The following WDPCP variants were observed in gnomAD, a reference collection of about 807,000 sequenced individuals.
The protein encoded by WDPCP is WD repeat containing planar cell polarity effector, also known as WD repeat-containing and planar cell polarity effector protein fritz homolog.
In WDPCP, 71 loss-of-function variants were observed where a neutral mutation model predicts 93.1. That is an observed-to-expected ratio of 0.76 (90% CI 0.63 to 0.93). WDPCP has a LOEUF of 0.93. WDPCP is among the 40% of genes least tolerant of loss of function. WDPCP has a pLI of 0.00. For missense variants in WDPCP, 844 were observed against 887.4 expected (o/e 0.95, Z 0.62); for synonymous variants, 315 against 315.0 (o/e 1.00, Z 0.00).
At chr2:63,594,230 G>A (rs575369373) in intron 3 of WDPCP, 71 of 564,404 alleles carry the variant, frequency 1.3e-4, no homozygotes, top group Non-Finnish European at 2.3e-4. Flanking sequence ...CTATTTTAGT[G>A]GTAAAATATC....
chr2:63,273,807 A>G (rs924612416), intron 13 of WDPCP, among the ~76,000 whole-genome samples: 1 of 143,294 alleles, frequency 7.0e-6, no homozygotes. Flanking sequence ...CCCAACGCAG[A>G]AACACACACA....
chr2:63,154,096 G>A (rs886212808), intron 15 of WDPCP, among the ~76,000 whole-genome samples: 1 of 151,728 alleles, frequency 6.6e-6, no homozygotes, highest in African/African-American at 2.4e-5. Flanking sequence ...ATAAAACTGA[G>A]ATAATGTGGT....
chr2:63,486,675 A>G (rs1012667486), intron 3 of WDPCP, 89 bp from the exon 4 acceptor site: 2 of 1,121,252 alleles, frequency 1.8e-6, no homozygotes, highest in South Asian at 2.9e-5. Flanking sequence ...ATGTACATGT[A>G]TAAGGTATTA....
At chr2:63,416,713 G>A (rs1267530498) in intron 9 of WDPCP, among the ~76,000 whole-genome samples, 2 of 151,528 alleles carry the variant, frequency 1.3e-5, no homozygotes, top group Non-Finnish European at 2.9e-5. Flanking sequence ...TAGTAGAGAC[G>A]GGTTTTCACC....
chr2:63,619,441 T>G (rs1369945861), intron 3 of WDPCP, among the ~76,000 whole-genome samples: 1 of 152,178 alleles, frequency 6.6e-6, no homozygotes, highest in East Asian at 1.9e-4. Context: ...CTTCAAAGCT[T>G]TCATAGATTT....
intron 6 of WDPCP, among the ~76,000 whole-genome samples, chr2:63,444,520 A>T (rs1366954595): frequency 6.6e-6 from 1 of 152,228 alleles, no homozygotes; most frequent in Non-Finnish European, 1.5e-5. Flanking sequence ...AAGACCTCCA[A>T]AATGGAAAGG....
At chr2:63,434,043 A>G (rs1351291673) in intron 8 of WDPCP, 107 bp from the exon 9 acceptor site, 1 of 1,132,400 alleles carries the variant, frequency 8.8e-7, no homozygotes, top group Non-Finnish European at 1.3e-6. Context: ...ATGCAAGTAA[A>G]TATGCATGTT....
chr2:63,252,858 C>T (rs906674164), intron 14 of WDPCP, among the ~76,000 whole-genome samples: 2 of 152,110 alleles, frequency 1.3e-5, no homozygotes, highest in African/African-American at 4.8e-5. Context: ...ATGGATTCAA[C>T]TCTGTATCTA....
intron 12 of WDPCP, among the ~76,000 whole-genome samples, chr2:63,364,775 G>C (rs1033451438): frequency 6.6e-6 from 1 of 152,246 alleles, no homozygotes; most frequent in South Asian, 2.1e-4. Flanking sequence ...ATTACAAATG[G>C]AACTCTTCTT....
chr2:63,205,927 T>G (rs1000731618), intron 14 of WDPCP, among the ~76,000 whole-genome samples: 2 of 152,338 alleles, frequency 1.3e-5, no homozygotes, highest in East Asian at 3.9e-4. Context: ...AGGCTTTCGT[T>G]TTTTTCTCAT....
At position 63,694,197 on chromosome 2, in the gene WDPCP, T is replaced by C. The variant is rs141922123; in HGVS notation, n.309-43359A>G. 1.2e-3 allele frequency among the ~76,000 whole-genome samples: 183 copies of C among 152,298 alleles called. 9 individuals carry two copies. In the East Asian group the frequency reaches 0.028, roughly 23 times the overall value. ...TGTCTAAGATAATAAAGGAAAACTA[T>C]TGTCTGAAGTCATTTAGAATAGATC... On this transcript the variant is annotated intron_variant and non_coding_transcript_variant, in intron 2 of 4. Transcript: ENST00000467687.
intron 2 of WDPCP, among the ~76,000 whole-genome samples, chr2:63,751,396 C>G (rs1279857105): frequency 6.6e-6 from 1 of 151,964 alleles, no homozygotes; most frequent in Non-Finnish European, 1.5e-5. Context: ...TTACATTTAG[C>G]AATCAACAGC....
chr2:63,725,660 C>T (rs935806477), intron 2 of WDPCP, among the ~76,000 whole-genome samples: 5 of 152,202 alleles, frequency 3.3e-5, no homozygotes, highest in African/African-American at 1.2e-4. Context: ...TACACTCCCA[C>T]CAACAGTATG....
intron 1 of WDPCP, among the ~76,000 whole-genome samples, chr2:63,576,143 G>A (rs1455391834): frequency 6.6e-6 from 1 of 152,066 alleles, no homozygotes; most frequent in Admixed American, 6.5e-5. Flanking sequence ...GATACCAAAT[G>A]CGTTGTCCTA....
At chr2:63,604,174 G>A (rs1709484021) in intron 3 of WDPCP, among the ~76,000 whole-genome samples, 1 of 152,026 alleles carries the variant, frequency 6.6e-6, no homozygotes, top group African/African-American at 2.4e-5. Context: ...GTCATATCTT[G>A]GTAATTTGAG....
chr2:63,453,249 A>T (rs1287316422), intron 6 of WDPCP, among the ~76,000 whole-genome samples: 9 of 152,234 alleles, frequency 5.9e-5, no homozygotes. Context: ...ATTTACAAGA[A>T]TAAAACAAAC....
chr2:63,503,037 T>C (rs1701651744), intron 1 of WDPCP, among the ~76,000 whole-genome samples: 1 of 152,240 alleles, frequency 6.6e-6, no homozygotes, highest in Non-Finnish European at 1.5e-5. Context: ...ATCCCTTCAC[T>C]TTCATCAAAG....
chr2:63,485,929 T>C (rs981212601), intron 4 of WDPCP, among the ~76,000 whole-genome samples: 4 of 151,798 alleles, frequency 2.6e-5, no homozygotes, highest in South Asian at 2.1e-4. Context: ...GTAGAACGTA[T>C]ATGCAAATTT....
At chr2:63,326,562 CAGAA>C (rs56094434) in intron 12 of WDPCP, among the ~76,000 whole-genome samples, 120,028 of 150,198 alleles carry the variant, frequency 0.8, 48,780 homozygotes, top group East Asian at 0.96. Flanking sequence ...ATGAGGGAGT[CAGAA>C]AGAAAGAAAG....
Sources: gnomAD v4.1 joint callset for allele counts (sites outside exome capture counted in the v4.1 genomes callset) on GRCh38, gnomAD v4.1.1 for gene constraint, MANE v1.5 for transcripts, NCBI Gene and HGNC (gene_info 2026-07-23, HGNC 2026-07-21) for gene names.